ERBB2: variants seen among roughly 807,000 people sequenced by gnomAD.
ERBB2 encodes the protein receptor tyrosine-protein kinase erbB-2.
Under a neutral mutation model 149.0 loss-of-function variants are expected in ERBB2, and 61 were observed. That is an observed-to-expected ratio of 0.41 (90% CI 0.33 to 0.51). The LOEUF is 0.51. Among genes scored for constraint, ERBB2 ranks in the 20% least tolerant of loss-of-function variants. The probability of loss-of-function intolerance (pLI) is 0.25; values close to 1 mark genes in which losing one functional copy is unlikely to be tolerated. For missense variants in ERBB2, 1,205 were observed against 1,655.1 expected (o/e 0.73, Z 4.72); for synonymous variants, 633 against 678.8 (o/e 0.93, Z 1.05).
intron 9 of ERBB2, among the ~76,000 whole-genome samples, chr17:39,714,125 G>A (rs2934967): frequency 0.64 from 97,412 of 151,044 alleles, 31,833 homozygotes; most frequent in South Asian, 0.73. Flanking sequence ...TCCAGAGGGG[G>A]CCATGGTTAA....
chr17:39,706,848 C>T (rs1487531052), intron 1 of ERBB2, 142 bp from the exon 2 acceptor site: 5 of 708,032 alleles, frequency 7.1e-6, no homozygotes, highest in Non-Finnish European at 1.1e-5. Flanking sequence ...CTGCAGTGTG[C>T]AAGGGACATG....
upstream of ERBB2, among the ~76,000 whole-genome samples, chr17:39,694,011 C>T (rs1396796530): frequency 1.4e-5 from 2 of 147,310 alleles, no homozygotes; most frequent in African/African-American, 5.0e-5. Flanking sequence ...CACGGAGAAA[C>T]GCTGCCTCTA....
intron 4 of ERBB2, 91 bp from the exon 5 acceptor site, chr17:39,709,722 C>T (rs1198810258): frequency 7.6e-7 from 1 of 1,315,284 alleles, no homozygotes; most frequent in African/African-American, 1.4e-5. Flanking sequence ...GCCTCGTGGC[C>T]TCTGCTGCTG....
intron 2 of ERBB2, 123 bp from the exon 3 acceptor site, chr17:39,708,198 G>A (rs571718342): frequency 1.3e-5 from 8 of 639,130 alleles, no homozygotes; most frequent in Middle Eastern, 4.3e-4. Flanking sequence ...TTATTTAAGC[G>A]GGAACAGGAC....
At chr17:39,705,718 A>AG (rs988067841) in intron 1 of ERBB2, among the ~76,000 whole-genome samples, 3 of 152,154 alleles carry the variant, frequency 2.0e-5, no homozygotes, top group African/African-American at 7.2e-5. Flanking sequence ...ATCTGAAGGC[A>AG]GGGGGTACCT....
At chr17:39,705,704 A>G (rs553210169) in intron 1 of ERBB2, among the ~76,000 whole-genome samples, 1 of 152,280 alleles carries the variant, frequency 6.6e-6, no homozygotes, top group Admixed American at 6.5e-5. Context: ...AGCCTCTCCC[A>G]GCAATCTGAA....
At chr17:39,696,252 T>C (rs2057861211), upstream of ERBB2, among the ~76,000 whole-genome samples, 1 of 152,068 alleles carries the variant, frequency 6.6e-6, no homozygotes, top group Non-Finnish European at 1.5e-5. Context: ...CTCATTCTTT[T>C]TCAGAGGCTC....
At chr17:39,688,555 C>G (rs965882572) in intron 1 of ERBB2, 2 of 152,410 alleles carry the variant, frequency 1.3e-5, no homozygotes, top group Admixed American at 6.5e-5. Context: ...AATACAGTCT[C>G]CACAAACCCT....
rs2143324923 is a variant in ERBB2 at position 39,728,046 on chromosome 17, C to G, written c.*2C>G. The G allele has an allele frequency of 6.4e-7, 1 of 1,569,360 alleles. No homozygotes were observed. Among genetic ancestry groups the G allele is most frequent in the Non-Finnish European group, 8.6e-7 (1 of 1,157,140 alleles). ...CTGGGTCTGGACGTGCCAGTGTGAA[C>G]CAGAAGGCCAAGTCCGCAGAAGCCC... On this transcript the variant is annotated 3_prime_UTR_variant, in exon 27 of 27. Coordinates refer to ENST00000269571, the MANE Select transcript of ERBB2 (RefSeq NM_004448.4).
chr17:39,691,124 G>T (rs979905102), upstream of ERBB2, among the ~76,000 whole-genome samples: 2 of 152,042 alleles, frequency 1.3e-5, no homozygotes, highest in African/African-American at 4.8e-5. Flanking sequence ...AGTCTACAAT[G>T]TGGGTTCCTT....
Position 39,728,304 on chromosome 17 carries a change from G to A in ERBB2, c.*260G>A. 2.5e-6 allele frequency: 1 copy of A among 407,848 alleles called. No homozygotes were observed. The highest frequency in any genetic ancestry group is 4.4e-6 in the Non-Finnish European group (1 of 226,692). The allele number at this position is 407,848 out of a possible 1,614,324, so 25.3% of individuals were successfully genotyped here. A position where few individuals can be genotyped will look rare whatever the true frequency, so the allele number is the denominator to read the frequency against. ...CTGCCCAATGAGACTCTAGGGTCCA[G>A]TGGATGCCACAGCCCAGCTTGGCCC... On this transcript the variant is annotated 3_prime_UTR_variant, in exon 27 of 27. Coordinates refer to ENST00000269571, the MANE Select transcript of ERBB2 (RefSeq NM_004448.4).
At chr17:39,711,830 G>T in intron 7 of ERBB2, 98 bp from the exon 8 acceptor site, 9 of 1,437,590 alleles carry the variant, frequency 6.3e-6, no homozygotes, top group Non-Finnish European at 7.8e-6. Context: ...TTTAAGTATT[G>T]GTTGATATTA....
rs760245870 is a variant in ERBB2, at chr17:39,727,424, G to A, written c.3289G>A (p.Gly1097Arg). The stretch of plus-strand genomic sequence containing the variant: ...TGACCTGGGAATGGGGGCAGCCAAG[G>A]GGCTGCAAAGCCTCCCCACACATGA... ...DGDLGMGAAK[G>R]LQSLPTHDPS... The change falls in exon 26 of 27, where the codon GGG becomes AGG. Residue 1097 changes from glycine (G) to arginine (R), a missense_variant. Gly to Arg is a moderately radical substitution (Grantham distance 125, BLOSUM62 -2). Transcript: ENST00000269571. This position sits in a 1 kb window ranked among gnomAD's most constrained non-coding sequence, Gnocchi z 4.3. 8.1e-6 allele frequency: 13 copies of A among 1,611,620 alleles called. No homozygotes were observed. In the South Asian group the frequency reaches 1.3e-4, roughly 16 times the overall value.
chr17:39,719,877 C>T (rs762548162), intron 16 of ERBB2, 43 bp downstream of exon 16: 1 of 1,591,932 alleles, frequency 6.3e-7, no homozygotes, highest in Non-Finnish European at 8.6e-7. Flanking sequence ...GCCCTTCACT[C>T]CCCCACTGGA....
intron 16 of ERBB2, among the ~76,000 whole-genome samples, chr17:39,720,710 C>T (rs562509712): frequency 1.4e-4 from 21 of 152,210 alleles, no homozygotes; most frequent in Non-Finnish European, 2.9e-4. Context: ...AGTGCAGTGG[C>T]TCCATCTCGG....
rs767713671 is a variant in ERBB2, at chr17:39,716,545, C to T, written c.1677C>T (p.His559=). 2.1e-5 allele frequency: 34 copies of T among 1,614,050 alleles called. No individual in the cohort carries two copies. The Admixed American group carries it at 3.7e-4, about 17-fold the overall frequency. ...CCAGGGAGTATGTGAATGCCAGGCA[C>T]TGTTTGCCGTGCCACCCTGAGTGTC... ...GLPREYVNAR[H]CLPCHPECQP... Residue 559 remains histidine (H), a synonymous_variant, in exon 14 of 27, where the codon CAC becomes CAT. Coordinates refer to ENST00000269571, the MANE Select transcript of ERBB2 (RefSeq NM_004448.4).
Position 39,707,152 on chromosome 17 carries a change from T to C in ERBB2, c.225+11T>C, listed in dbSNP as rs2145412335. The C allele has an allele frequency of 6.5e-7, 1 of 1,550,264 alleles. No individual in the cohort carries two copies. The highest frequency in any genetic ancestry group is 1.4e-5 in the African/African-American group (1 of 72,596). On this transcript the variant is annotated intron_variant, in intron 2 of 26. Transcript: ENST00000269571. ...CTGTCCTTCCTGCAGGTGAGGCCCG[T>C]GGGCAACCCAGCCAGGCCCTGCCTC... is the stretch of plus-strand genomic sequence containing the variant.
upstream of ERBB2, among the ~76,000 whole-genome samples, chr17:39,691,934 C>CATATATATATATATATATATATAT (rs57592884): frequency 5.0e-5 from 6 of 120,862 alleles, no homozygotes; most frequent in South Asian, 2.5e-4. Flanking sequence ...TATACATATA[C>CATATATATATATATATATATATAT]ATATATATAT....
Position 39,715,320 on chromosome 17 carries a change from G to C in ERBB2, c.1183G>C (p.Glu395Gln), listed in dbSNP as rs919231881. The part of the protein sequence containing the change: ...PASNTAPLQP[E>Q]QLQVFETLEE... Reference sequence around the variant, plus strand: ...CTCCAACACTGCCCCGCTCCAGCCAGAGCAGCTCCAAGTGTTTGAGACTCT... The same window carrying C: ...CTCCAACACTGCCCCGCTCCAGCCACAGCAGCTCCAAGTGTTTGAGACTCT... Residue 395 changes from glutamate to glutamine, a missense_variant, in exon 10 of 27, where the codon GAG (glutamate) becomes CAG (glutamine). Around this residue, in one of 6 missense-constraint regions of ERBB2, gnomAD observed 569 missense variants for 803.5 expected, o/e 0.71. Transcript: ENST00000269571. 2 of 1,613,952 alleles carry C rather than the reference G, an allele frequency of 1.2e-6. No homozygotes were observed. The highest frequency in any genetic ancestry group is 2.7e-5 in the African/African-American group (2 of 74,928).
Sources: allele counts gnomAD v4.1 joint callset (sites outside exome capture counted in the v4.1 genomes callset), GRCh38; gene constraint gnomAD v4.1.1; regional missense constraint gnomAD v4.1.1; non-coding constraint Gnocchi (gnomAD v3.1); transcripts MANE v1.5; gene names NCBI Gene and HGNC (gene_info 2026-07-23, HGNC 2026-07-21).